GRM4: variants seen among roughly 807,000 people sequenced by gnomAD.
GRM4 encodes metabotropic glutamate receptor 4.
In GRM4, 28 loss-of-function variants were observed where a neutral mutation model predicts 81.7. That is an observed-to-expected ratio of 0.34 (90% CI 0.25 to 0.47). The LOEUF (loss-of-function observed/expected upper bound fraction) is 0.47. Among genes scored for constraint, GRM4 ranks in the 20% least tolerant of loss-of-function variants. The probability of loss-of-function intolerance (pLI) is 1.00; values close to 1 mark genes in which losing one functional copy is unlikely to be tolerated. For missense variants in GRM4, 948 were observed against 1,290.0 expected (o/e 0.73, Z 4.06); for synonymous variants, 488 against 528.8 (o/e 0.92, Z 1.06).
intron 6 of GRM4, among the ~76,000 whole-genome samples, chr6:34,046,603 A>G (rs377348437): frequency 6.6e-6 from 1 of 152,200 alleles, no homozygotes; most frequent in African/African-American, 2.4e-5. Flanking sequence ...ACAGGGATAA[A>G]TGCTCCAGCT....
rs34256571 is a variant in GRM4 at position 34,070,792 on chromosome 6, C to CCACACACACACACA, written c.737-8778_737-8765dup. ...CACCACACCCCCGCCACACCCCCAGCCACACACACACACACACACACACAC... is the reference window on the plus strand; with the variant it reads ...CACCACACCCCCGCCACACCCCCAGCCACACACACACACACACACACACACACACACACACACAC... On this transcript the variant is annotated intron_variant, in intron 3 of 10. Coordinates refer to ENST00000538487, the MANE Select transcript of GRM4 (RefSeq NM_000841.4). This position sits in a 1 kb window ranked among gnomAD's most constrained non-coding sequence, Gnocchi z 4.6. Among the ~76,000 whole-genome samples, 11 of 135,400 alleles carry CCACACACACACACA rather than the reference C, an allele frequency of 8.1e-5. No individual in the cohort carries two copies. The highest frequency in any genetic ancestry group is 2.8e-4 in the African/African-American group (10 of 35,480). The allele number at this position is 135,400 out of a possible 152,430, so 88.8% of individuals were successfully genotyped here. A position where few individuals can be genotyped will look rare whatever the true frequency, so the allele number is the denominator to read the frequency against.
At position 34,080,835 on chromosome 6, in the gene GRM4, CACACACACACAT is replaced by C. The variant is rs58091116; in HGVS notation, c.736+11036_736+11047del. On this transcript the variant is annotated intron_variant, in intron 3 of 10. Coordinates refer to ENST00000538487, the MANE Select transcript of GRM4 (RefSeq NM_000841.4). The surrounding 1 kb of genome is among the most constrained non-coding windows in gnomAD (Gnocchi z 5.4). ...CTCTCTTCTCTCTCTCTCTCTCACA[CACACACACACAT>C]ACACACACACATACACATACATATA... is the stretch of plus-strand genomic sequence containing the variant. Among the ~76,000 whole-genome samples the C allele has an allele frequency of 0.051, 7,551 of 148,584 alleles. 502 individuals are homozygous for C. The highest frequency in any genetic ancestry group is 0.16 in the African/African-American group (6,221 of 39,984).
intron 2 of GRM4, among the ~76,000 whole-genome samples, chr6:34,125,548 C>G (rs1027620731): frequency 2.6e-5 from 4 of 152,256 alleles, no homozygotes; most frequent in African/African-American, 7.2e-5. Flanking sequence ...ATGACTGTGA[C>G]AAGCTGCTAG....
intron 3 of GRM4, among the ~76,000 whole-genome samples, chr6:34,087,684 GCACACACACACACAACCCCCCCCCCA>G (rs1767971968): frequency 7.2e-6 from 1 of 139,684 alleles, no homozygotes; most frequent in African/African-American, 3.0e-5. Flanking sequence ...ACACGTGCCC[GCACACACACACACAACCCCCCCCCCA>G]CACACACACA....
Position 34,122,999 on chromosome 6 carries a change from C to T in GRM4, c.519+9979G>A, listed in dbSNP as rs188906649. On this transcript the variant is annotated intron_variant, in intron 2 of 10. Coordinates refer to ENST00000538487, the MANE Select transcript of GRM4 (RefSeq NM_000841.4). ...GCCAGGAGGCAGGCCGTGGAAGGCA[C>T]AGAGCATGACGGGGTGAGGGGGAGC... 3.5e-3 allele frequency among the ~76,000 whole-genome samples: 528 copies of T among 152,254 alleles called. 4 individuals are homozygous for T. The highest frequency in any genetic ancestry group is 9.5e-3 in the Admixed American group (146 of 15,302).
chr6:34,071,563 A>G (rs1279295992), intron 3 of GRM4, among the ~76,000 whole-genome samples: 2 of 91,036 alleles, frequency 2.2e-5, no homozygotes, highest in Non-Finnish European at 2.3e-5. Flanking sequence ...TCACACAGAT[A>G]AACACCACAC....
chr6:34,072,315 TACAC>T (rs1463826435), intron 3 of GRM4, among the ~76,000 whole-genome samples: 1 of 129,330 alleles, frequency 7.7e-6, no homozygotes, highest in Non-Finnish European at 1.6e-5. Context: ...ATCACACAGA[TACAC>T]ACCACACACA....
At chr6:34,117,827 T>G (rs924704748) in intron 2 of GRM4, among the ~76,000 whole-genome samples, 6 of 152,124 alleles carry the variant, frequency 3.9e-5, no homozygotes, top group African/African-American at 1.4e-4. Context: ...CTGTCGCATC[T>G]CCTCATGGAG....
intron 2 of GRM4, among the ~76,000 whole-genome samples, chr6:34,122,211 T>G (rs1401202602): frequency 6.6e-6 from 1 of 151,724 alleles, no homozygotes; most frequent in Non-Finnish European, 1.5e-5. Context: ...TCTCTCTCTG[T>G]GCTTGGGTGG....
intron 1 of GRM4, among the ~76,000 whole-genome samples, chr6:34,141,776 G>A (rs556457341): frequency 2.4e-3 from 372 of 152,270 alleles, no homozygotes; most frequent in South Asian, 9.5e-3. Flanking sequence ...TCCCTTCCAG[G>A]AGCAGGCTCA....
chr6:34,145,975 C>G lies in GRM4; in HGVS notation c.-364+25G>C, dbSNP rs998538336. ...TCCGGAAGCCCCCCCCTTCCTCCTC[C>G]CCGTGCGCGTGCCAGCTCACCTACC... On this transcript the variant is annotated intron_variant, in intron 1 of 10. Coordinates refer to ENST00000538487, the MANE Select transcript of GRM4 (RefSeq NM_000841.4). 9 of 984,666 alleles carry G rather than the reference C, an allele frequency of 9.1e-6. No homozygotes were observed. In the African/African-American group the frequency reaches 1.6e-4, roughly 17 times the overall value. 61.0% of individuals were successfully genotyped at this position (984,666 alleles called of 1,614,324 possible). A position where few individuals can be genotyped will look rare whatever the true frequency, so the allele number is the denominator to read the frequency against.
At chr6:34,105,663 G>T (rs1475254666) in intron 2 of GRM4, among the ~76,000 whole-genome samples, 1 of 152,086 alleles carries the variant, frequency 6.6e-6, no homozygotes, top group South Asian at 2.1e-4. Context: ...ATCTCACCAT[G>T]GCAGGCGAGG....
intron 2 of GRM4, among the ~76,000 whole-genome samples, chr6:34,105,681 G>A (rs1166428458): frequency 3.3e-5 from 5 of 152,114 alleles, no homozygotes; most frequent in African/African-American, 1.2e-4. Context: ...AGGAGACACA[G>A]CATGCACCCC....
At chr6:34,132,384 C>G (rs1021925746) in intron 2 of GRM4, among the ~76,000 whole-genome samples, 3 of 152,218 alleles carry the variant, frequency 2.0e-5, no homozygotes, top group African/African-American at 7.2e-5. Flanking sequence ...AATGAGGACA[C>G]ATTCTCCAAC....
rs558881340 is a variant in GRM4, at chr6:34,068,394, C to T, written c.737-6366G>A. ...AATGAATTCACATTTCTGTCCTGCA[C>T]GACCTGGGGTTGTCTGAGCCTGAGG... On this transcript the variant is annotated intron_variant, in intron 3 of 10. Coordinates refer to ENST00000538487, the MANE Select transcript of GRM4 (RefSeq NM_000841.4). The surrounding 1 kb of genome is among the most constrained non-coding windows in gnomAD (Gnocchi z 4.2). Among the ~76,000 whole-genome samples the T allele has an allele frequency of 6.6e-6, 1 of 152,274 alleles. No individual in the cohort carries two copies. The highest frequency in any genetic ancestry group is 1.9e-4 in the East Asian group (1 of 5,176).
chr6:34,083,150 T>C (rs974959810), intron 3 of GRM4, among the ~76,000 whole-genome samples: 12 of 152,156 alleles, frequency 7.9e-5, no homozygotes, highest in African/African-American at 2.9e-4. Flanking sequence ...CAGAGGCGAA[T>C]GCAGACGGGA....
chr6:34,073,174 A>G (rs532206901), intron 3 of GRM4, among the ~76,000 whole-genome samples: 2,423 of 32,496 alleles, frequency 0.075, 38 homozygotes, highest in Admixed American at 0.14. Context: ...CCCACACACC[A>G]CCACACAAAT....
At chr6:34,137,784 A>C in intron 1 of GRM4, among the ~76,000 whole-genome samples, 1 of 133,562 alleles carries the variant, frequency 7.5e-6, no homozygotes, top group African/African-American at 2.8e-5. Flanking sequence ...CAGAGATGAC[A>C]TCTCACTATG....
chr6:34,127,437 G>C (rs75903978), intron 2 of GRM4, among the ~76,000 whole-genome samples: 1 of 152,352 alleles, frequency 6.6e-6, no homozygotes, highest in East Asian at 1.9e-4. Flanking sequence ...AGTGCCCAGA[G>C]AGACAAAGGG....
Sources: allele counts gnomAD v4.1 joint callset (sites outside exome capture counted in the v4.1 genomes callset), GRCh38; gene constraint gnomAD v4.1.1; non-coding constraint Gnocchi (gnomAD v3.1); transcripts MANE v1.5; gene names NCBI Gene and HGNC (gene_info 2026-07-23, HGNC 2026-07-21).